CEP78: variants seen among roughly 807,000 people sequenced by gnomAD.
CEP78 encodes centrosomal protein 78.
A neutral mutation model predicts 81.2 loss-of-function variants in CEP78; 76 were observed. The observed-to-expected ratio is 0.94, with a 90% confidence interval of 0.78 to 1.13. CEP78 has a LOEUF of 1.13. CEP78 is among the 50% of genes most tolerant of loss of function. The pLI is 0.00. For synonymous variants in CEP78, 293 were observed against 301.4 expected (o/e 0.97, Z 0.29); for missense variants, 918 against 846.8 (o/e 1.08, Z -1.04).
At position 78,275,159 on chromosome 9, in the gene CEP78, A is replaced by G. The variant is rs1451315903; in HGVS notation, c.*4308A>G. 6.6e-6 allele frequency: 1 copy of G among 152,250 alleles called. No homozygotes were observed. The highest frequency in any genetic ancestry group is 2.4e-5 in the African/African-American group (1 of 41,462). 9.4% of individuals were successfully genotyped at this position (152,250 alleles called of 1,614,324 possible). A position where few individuals can be genotyped will look rare whatever the true frequency, so the allele number is the denominator to read the frequency against. On this transcript the variant is annotated 3_prime_UTR_variant, in exon 17 of 17. Coordinates refer to ENST00000643273, the MANE Select transcript of CEP78 (RefSeq NM_001330691.3). ...ATTATGAGCACTTTTATAATTTACTATAAATAATTGTGTAGTGTTAAACCA... is the reference window on the plus strand; with the variant it reads ...ATTATGAGCACTTTTATAATTTACTGTAAATAATTGTGTAGTGTTAAACCA...
At chr9:78,254,233 T>G (rs760252679) in intron 10 of CEP78, among the ~76,000 whole-genome samples, 5 of 152,140 alleles carry the variant, frequency 3.3e-5, no homozygotes, top group Non-Finnish European at 7.4e-5. Context: ...TTTTTTTTAA[T>G]TCTAGTTTTT....
rs1216612719 is a variant in CEP78 at position 78,276,522 on chromosome 9, A to C, written c.*5671A>C. 2 of 151,996 alleles carry C rather than the reference A, an allele frequency of 1.3e-5. No homozygotes were observed. Among genetic ancestry groups the C allele is most frequent in the Non-Finnish European group, 2.9e-5 (2 of 67,986 alleles). 9.4% of individuals were successfully genotyped at this position (151,996 alleles called of 1,614,324 possible). On this transcript the variant is annotated 3_prime_UTR_variant, in exon 17 of 17. Coordinates refer to ENST00000643273, the MANE Select transcript of CEP78 (RefSeq NM_001330691.3). ...TGGGGTCTTTTTTTTTTTGGACAAA[A>C]AACCCCCTGTGATGATCTACTGGCA... is the stretch of plus-strand genomic sequence containing the variant.
At chr9:78,241,830 G>T (rs1282208052) in intron 4 of CEP78, 31 bp downstream of exon 4, 2 of 1,198,132 alleles carry the variant, frequency 1.7e-6, no homozygotes, top group Non-Finnish European at 2.5e-6. Context: ...TCATGAAAAT[G>T]TGTTATATGA....
At chr9:78,266,886 A>T in intron 16 of CEP78, 183 bp downstream of exon 16, 1 of 1,434,868 alleles carries the variant, frequency 7.0e-7, no homozygotes, top group South Asian at 1.6e-5. Flanking sequence ...TAGAATAGTG[A>T]CTGTTTCATC....
chr9:78,250,742 A>G (rs1826720260), intron 8 of CEP78, among the ~76,000 whole-genome samples: 2 of 152,218 alleles, frequency 1.3e-5, no homozygotes, highest in South Asian at 2.1e-4. Flanking sequence ...CTTGTCTCCA[A>G]AGAAAAAAAA....
At chr9:78,259,055 A>ACC (rs890115889) in intron 11 of CEP78, among the ~76,000 whole-genome samples, 1 of 152,254 alleles carries the variant, frequency 6.6e-6, no homozygotes, top group Non-Finnish European at 1.5e-5. Flanking sequence ...ATTATTTGTA[A>ACC]TAGTCCAACC....
chr9:78,264,358 T>TA, intron 13 of CEP78, 42 bp downstream of exon 13: 1 of 1,571,106 alleles, frequency 6.4e-7, no homozygotes, highest in Non-Finnish European at 8.7e-7. Flanking sequence ...CTCCATGACT[T>TA]TAATGGTGTT....
intron 8 of CEP78, 89 bp downstream of exon 8, chr9:78,248,962 A>G (rs1188779486): frequency 3.5e-6 from 2 of 578,174 alleles, no homozygotes; most frequent in Non-Finnish European, 6.1e-6. Context: ...TATTGACAGT[A>G]ACAACCAATA....
At chr9:78,268,040 A>G (rs1209799751) in intron 16 of CEP78, among the ~76,000 whole-genome samples, 1 of 152,020 alleles carries the variant, frequency 6.6e-6, no homozygotes, top group Admixed American at 6.6e-5. Flanking sequence ...AGTGAAGGGG[A>G]GATACACAAG....
rs756957874 is a variant in CEP78 at position 78,266,604 on chromosome 9, TCTC to T, written c.2011_2013del (p.Pro671del). The T allele has an allele frequency of 6.2e-7, 1 of 1,613,572 alleles. No homozygotes were observed. The highest frequency in any genetic ancestry group is 8.5e-7 in the Non-Finnish European group (1 of 1,179,722). ...TGAAGGATTCATTGCTAGAATGTGTTCTCCTTCACCAGATGCGACTTCTGGAAC... is the reference window on the plus strand; with the variant it reads ...TGAAGGATTCATTGCTAGAATGTGTTCTTCACCAGATGCGACTTCTGGAAC... On this transcript the variant is annotated inframe_deletion, in exon 16 of 17. Coordinates refer to ENST00000643273, the MANE Select transcript of CEP78 (RefSeq NM_001330691.3).
At chr9:78,246,606 AC>A in intron 5 of CEP78, 62 bp from the exon 6 acceptor site, 1 of 1,067,366 alleles carries the variant, frequency 9.4e-7, no homozygotes, top group Admixed American at 2.3e-5. Flanking sequence ...TCTCAAAAAA[AC>A]AAACAAACAA....
chr9:78,237,353 T>C (rs1826005743), intron 1 of CEP78, among the ~76,000 whole-genome samples: 1 of 152,124 alleles, frequency 6.6e-6, no homozygotes, highest in Non-Finnish European at 1.5e-5. Context: ...TGTAAATGTA[T>C]AGTGGTATAA....
At chr9:78,256,524 A>ATTTTTTTTTT (rs35059009) in intron 11 of CEP78, among the ~76,000 whole-genome samples, 1 of 76,690 alleles carries the variant, frequency 1.3e-5, no homozygotes, top group Non-Finnish European at 2.4e-5. Flanking sequence ...CTGCTCCCTT[A>ATTTTTTTTTT]TTTTTTTTTT....
intron 1 of CEP78, among the ~76,000 whole-genome samples, chr9:78,238,343 G>T (rs1171837564): frequency 6.6e-6 from 1 of 152,162 alleles, no homozygotes; most frequent in Non-Finnish European, 1.5e-5. Flanking sequence ...TTTAAGAGGG[G>T]CCTGTGGGGC....
In CEP78 at chr9:78,253,287, T is replaced by A; in HGVS notation, c.1251+10T>A. 1 of 1,240,466 alleles carries A rather than the reference T, an allele frequency of 8.1e-7. No homozygotes were observed. The highest frequency in any genetic ancestry group is 2.4e-5 in the East Asian group (1 of 41,976). The allele number at this position is 1,240,466 out of a possible 1,614,324, so 76.8% of individuals were successfully genotyped here. A position where few individuals can be genotyped will look rare whatever the true frequency, so the allele number is the denominator to read the frequency against. On this transcript the variant is annotated intron_variant, in intron 10 of 16. Coordinates refer to ENST00000643273, the MANE Select transcript of CEP78 (RefSeq NM_001330691.3). ...ATGTAATCAGTTGCAGGTACGTAGT[T>A]ACCATGTTTATAATATGTAGGGGAT...
At position 78,240,104 on chromosome 9, in the gene CEP78, T is replaced by C; in HGVS notation, c.335T>C (p.Leu112Pro). Residue 112 changes from leucine to proline, a missense_variant, in exon 2 of 17, where the codon CTT becomes CCT. By Grantham distance (98) the Leu-to-Pro change is moderately conservative (BLOSUM62 -3). Transcript: ENST00000643273. ...KDVTFQLCKA[L>P]KGCLSISSVL... is the part of the protein sequence containing the mutation. ...GTGACCTTCCAGTTGTGTAAAGCTC[T>C]TAAAGGCTGTTTAAGTATATCAAGT... is the stretch of plus-strand genomic sequence containing the variant. 6.3e-7 allele frequency: 1 copy of C among 1,585,724 alleles called. No individual in the cohort carries two copies. The highest frequency in any genetic ancestry group is 1.2e-5 in the South Asian group (1 of 85,246).
At position 78,266,640 on chromosome 9, in the gene CEP78, C is replaced by T; in HGVS notation, c.2044C>T (p.Gln682Ter). 6.2e-7 allele frequency: 1 copy of T among 1,612,288 alleles called. No homozygotes were observed. The highest frequency in any genetic ancestry group is 8.5e-7 in the Non-Finnish European group (1 of 1,179,072). The change falls in exon 16 of 17, where the codon CAA (glutamine) becomes TAA (stop). Residue 682 changes from glutamine to a stop codon, truncating the protein, a stop_gained. Transcript: ENST00000643273. LOFTEE classifies it high-confidence loss of function. ...SPDATSGTGSQRKEEELSRNS... is the reference protein window; with the variant it reads ...SPDATSGTGS ...AGATGCGACTTCTGGAACTGGAAGT[C>T]AAAGAAAAGAAGAGGAGTTGTCCAG...
chr9:78,257,488 A>T (rs1827093207), intron 11 of CEP78, among the ~76,000 whole-genome samples: 1 of 152,194 alleles, frequency 6.6e-6, no homozygotes, highest in African/African-American at 2.4e-5. Flanking sequence ...CAGTGGTTTC[A>T]GTGTGGAGAG....
chr9:78,236,564 T>G lies in CEP78; in HGVS notation c.214T>G (p.Ser72Ala). 4 of 1,578,262 alleles carry G rather than the reference T, an allele frequency of 2.5e-6. No homozygotes were observed. The highest frequency in any genetic ancestry group is 3.4e-6 in the Non-Finnish European group (4 of 1,162,208). ...GATCAATAAAGACCTGCCCTTGGTC[T>G]CCATCAAGAGCTTCTTCCAGCCCTG... is the stretch of plus-strand genomic sequence containing the variant. ...LKINKDLPLV[S>A]IKSFFQPWLG... The change falls in exon 1 of 17, where the codon TCC (serine) becomes GCC (alanine). Residue 72 changes from serine (S) to alanine (A), a missense_variant. Ser to Ala is a moderately conservative substitution (Grantham distance 99). Transcript: ENST00000643273.
Sources: gnomAD v4.1 joint callset for allele counts (sites outside exome capture counted in the v4.1 genomes callset) on GRCh38, gnomAD v4.1.1 for gene constraint, MANE v1.5 for transcripts, NCBI Gene and HGNC (gene_info 2026-07-23, HGNC 2026-07-21) for gene names.